The following AKAP13 variants were observed in gnomAD, a reference collection of about 807,000 sequenced individuals.
The protein encoded by AKAP13 is A-kinase anchoring protein 13, also known as A-kinase anchor protein 13.
AKAP13 carries 80 observed loss-of-function variants against 264.5 expected under a neutral mutation model. That is an observed-to-expected ratio of 0.30 (90% CI 0.25 to 0.36). AKAP13 has a LOEUF of 0.36. Among genes scored for constraint, AKAP13 ranks in the 10% least tolerant of loss-of-function variants. The pLI is 1.00. For synonymous variants in AKAP13, 1,380 were observed against 1,250.2 expected (o/e 1.10, Z -2.19); for missense variants, 3,712 against 3,435.2 (o/e 1.08, Z -2.01).
intron 1 of AKAP13, among the ~76,000 whole-genome samples, chr15:85,468,423 C>G (rs1360121550): frequency 6.6e-6 from 1 of 152,158 alleles, no homozygotes; most frequent in African/African-American, 2.4e-5. Context: ...GGTAATAACT[C>G]TTTGGAAACA....
chr15:85,638,690 C>G (rs993497230), intron 8 of AKAP13, among the ~76,000 whole-genome samples: 3 of 151,016 alleles, frequency 2.0e-5, no homozygotes, highest in Non-Finnish European at 4.4e-5. Flanking sequence ...GAAGTATTTG[C>G]TTTTTAGAAT....
At chr15:85,737,629 C>G (rs1418600156) in intron 33 of AKAP13, among the ~76,000 whole-genome samples, 1 of 152,066 alleles carries the variant, frequency 6.6e-6, no homozygotes, top group South Asian at 2.1e-4. Context: ...CTGAAGGAAT[C>G]CTTCAGTGTG....
intron 1 of AKAP13, among the ~76,000 whole-genome samples, chr15:85,434,849 G>A (rs1481662895): frequency 6.7e-6 from 1 of 148,478 alleles, no homozygotes; most frequent in Non-Finnish European, 1.5e-5. Context: ...ACCAAAAGTA[G>A]ATAAAACCAC....
intron 1 of AKAP13, among the ~76,000 whole-genome samples, chr15:85,444,630 G>A (rs1403043069): frequency 6.6e-6 from 1 of 152,170 alleles, no homozygotes; most frequent in Non-Finnish European, 1.5e-5. Context: ...AATCTTTTTA[G>A]AATGTCTAAG....
intron 14 of AKAP13, among the ~76,000 whole-genome samples, chr15:85,675,999 C>T (rs921749838): frequency 6.6e-6 from 1 of 151,998 alleles, no homozygotes; most frequent in Non-Finnish European, 1.5e-5. Flanking sequence ...GCAACCTCTG[C>T]CTCCCGGGTT....
intron 19 of AKAP13, 62 bp downstream of exon 19, chr15:85,710,707 G>C: frequency 6.4e-7 from 1 of 1,552,312 alleles, no homozygotes; most frequent in South Asian, 1.2e-5. Context: ...ATGTAAAAAT[G>C]CTGTTGTAAT....
At chr15:85,523,674 G>A (rs1458180984) in intron 3 of AKAP13, among the ~76,000 whole-genome samples, 1 of 152,162 alleles carries the variant, frequency 6.6e-6, no homozygotes, top group Admixed American at 6.5e-5. Context: ...TATCTGCTAA[G>A]AAGGCTGTTC....
intron 16 of AKAP13, chr15:85,689,845 A>G (rs765600832): frequency 3.3e-5 from 5 of 152,246 alleles, no homozygotes; most frequent in Non-Finnish European, 7.3e-5. Context: ...TAGCAGCAGC[A>G]TTCAAACAGT....
chr15:85,710,440 G>A (rs1387330535), intron 18 of AKAP13, 139 bp from the exon 19 acceptor site: 3 of 673,146 alleles, frequency 4.5e-6, no homozygotes, highest in East Asian at 2.9e-5. Flanking sequence ...GGGGGCGACC[G>A]TGGCTGGGAC....
intron 1 of AKAP13, among the ~76,000 whole-genome samples, chr15:85,461,679 C>T (rs1376156809): frequency 2.0e-5 from 3 of 151,172 alleles, no homozygotes; most frequent in Non-Finnish European, 4.4e-5. Context: ...TTTTTTCTTT[C>T]TGCTCCTATT....
chr15:85,731,995 A>G (rs577245180), intron 30 of AKAP13, among the ~76,000 whole-genome samples: 2 of 151,538 alleles, frequency 1.3e-5, no homozygotes, highest in South Asian at 2.1e-4. Context: ...AGGCAGGAGA[A>G]TCGCTTGAAC....
intron 1 of AKAP13, among the ~76,000 whole-genome samples, chr15:85,412,153 C>A (rs1260529063): frequency 1.3e-5 from 2 of 152,126 alleles, no homozygotes; most frequent in Non-Finnish European, 2.9e-5. Context: ...AAGTGAAAGA[C>A]CAGTCACTTT....
intron 2 of AKAP13, among the ~76,000 whole-genome samples, chr15:85,492,907 G>A (rs1451853012): frequency 1.3e-5 from 2 of 152,184 alleles, no homozygotes; most frequent in Admixed American, 6.5e-5. Flanking sequence ...AGTTAAGGTG[G>A]TATTGAATCT....
chr15:85,518,107 C>G (rs2076675328), intron 2 of AKAP13, among the ~76,000 whole-genome samples: 1 of 152,126 alleles, frequency 6.6e-6, no homozygotes, highest in Admixed American at 6.5e-5. Flanking sequence ...TCTATTTATT[C>G]TTGTAGGCTG....
At position 85,682,058 on chromosome 15, in the gene AKAP13, T is replaced by C. The variant is rs1277434698; in HGVS notation, c.5102-100T>C. On this transcript the variant is annotated intron_variant, in intron 14 of 36. Coordinates refer to ENST00000394518, the MANE Select transcript of AKAP13 (RefSeq NM_007200.5). ...GTACCATGTGCTGACTTTCACACGC[T>C]GTTTTTGCTTTAGCTGTGTCATTGT... 5.4e-6 allele frequency: 6 copies of C among 1,107,608 alleles called. No homozygotes were observed. The African/African-American group carries it at 7.8e-5, about 14-fold the overall frequency. The allele number at this position is 1,107,608 out of a possible 1,614,324, so 68.6% of individuals were successfully genotyped here. A position where few individuals can be genotyped will look rare whatever the true frequency, so the allele number is the denominator to read the frequency against.
intron 1 of AKAP13, among the ~76,000 whole-genome samples, chr15:85,481,717 A>G (rs1206921522): frequency 3.9e-5 from 6 of 152,164 alleles, no homozygotes; most frequent in Non-Finnish European, 7.4e-5. Flanking sequence ...TAAGACTTTG[A>G]ATTTTGACAT....
intron 1 of AKAP13, among the ~76,000 whole-genome samples, chr15:85,392,892 A>G (rs909452452): frequency 6.6e-6 from 1 of 152,256 alleles, no homozygotes; most frequent in Non-Finnish European, 1.5e-5. Context: ...GAATTACACC[A>G]TCAGCATTAA....
chr15:85,443,852 T>C (rs2073803702), intron 1 of AKAP13, among the ~76,000 whole-genome samples: 1 of 152,126 alleles, frequency 6.6e-6, no homozygotes, highest in Admixed American at 6.5e-5. Flanking sequence ...GAGGTATTTA[T>C]GACTGTCAAG....
intron 2 of AKAP13, among the ~76,000 whole-genome samples, chr15:85,502,682 A>T (rs918505467): frequency 1.3e-5 from 2 of 152,212 alleles, no homozygotes; most frequent in Non-Finnish European, 2.9e-5. Flanking sequence ...TCTTCTGATT[A>T]CTTTTGTGGT....
Sources: allele counts gnomAD v4.1 joint callset (sites outside exome capture counted in the v4.1 genomes callset), GRCh38; gene constraint gnomAD v4.1.1; transcripts MANE v1.5; gene names NCBI Gene and HGNC (gene_info 2026-07-23, HGNC 2026-07-21).